Variants in YIPF1 observed in about 807,000 individuals in gnomAD.
The protein encoded by YIPF1 is Yip1 domain family member 1.
A neutral mutation model predicts 37.0 loss-of-function variants in YIPF1; 22 were observed. The ratio of observed to expected loss-of-function variants is 0.59; its 90% CI spans 0.42 to 0.85. The LOEUF (loss-of-function observed/expected upper bound fraction) is 0.85, where lower values mean the gene tolerates loss of function less well. YIPF1 is among the 40% of genes least tolerant of loss of function. The pLI is 0.00. For synonymous variants in YIPF1, 128 were observed against 131.9 expected, an observed-to-expected ratio of 0.97 and a Z score of 0.21; for missense variants, 355 against 373.1, an observed-to-expected ratio of 0.95 and a Z score of 0.40.
At chr1:53,887,597 G>A (rs1650690365) in intron 3 of YIPF1, among the ~76,000 whole-genome samples, 1 of 151,874 alleles carries the variant, frequency 6.6e-6, no homozygotes, top group Non-Finnish European at 1.5e-5. Context: ...GTGGTCAGAT[G>A]CTAGATGAAT....
chr1:53,876,057 TTGAA>T (rs758786001), intron 6 of YIPF1, among the ~76,000 whole-genome samples: 81 of 152,356 alleles, frequency 5.3e-4, no homozygotes, highest in Non-Finnish European at 9.6e-4. Flanking sequence ...GTTGAATGAA[TTGAA>T]TGAATAAATG....
chr1:53,861,682 G>C (rs1649882736), intron 9 of YIPF1, among the ~76,000 whole-genome samples: 1 of 118,640 alleles, frequency 8.4e-6, no homozygotes, highest in African/African-American at 3.0e-5. Flanking sequence ...GGAAGGAAGG[G>C]AGAGAGAGAG....
chr1:53,867,134 C>G (rs1450108444), intron 7 of YIPF1, among the ~76,000 whole-genome samples: 1 of 152,156 alleles, frequency 6.6e-6, no homozygotes, highest in African/African-American at 2.4e-5. Flanking sequence ...ATTAATGAAT[C>G]TTTACCATTC....
At chr1:53,873,408 C>T (rs979198167) in intron 6 of YIPF1, among the ~76,000 whole-genome samples, 4 of 152,066 alleles carry the variant, frequency 2.6e-5, no homozygotes, top group African/African-American at 9.7e-5. Context: ...GGTACCAGTT[C>T]GAGGCCAAGC....
Position 53,866,232 on chromosome 1 carries a change from A to ACACAATTGT in YIPF1, c.790_798dup (p.Thr264_Val266dup), listed in dbSNP as rs757156076. 1 of 1,614,186 alleles carries ACACAATTGT rather than the reference A, an allele frequency of 6.2e-7. No homozygotes were observed. The highest frequency in any genetic ancestry group is 8.5e-7 in the Non-Finnish European group (1 of 1,180,018). ...CCCACAGAAAGCAGCATATGGAGCA[A>ACACAATTGT]CACAATTGTCACAATTGTGGCCAAT... On this transcript the variant is annotated inframe_insertion, in exon 9 of 11. Transcript: ENST00000072644.
chr1:53,887,260 A>G (rs1353107220), intron 3 of YIPF1, among the ~76,000 whole-genome samples: 1 of 151,830 alleles, frequency 6.6e-6, no homozygotes. Flanking sequence ...TTGTATTTTT[A>G]GTGGAGACAG....
intron 6 of YIPF1, among the ~76,000 whole-genome samples, chr1:53,874,578 C>T (rs1284480901): frequency 6.6e-6 from 1 of 151,756 alleles, no homozygotes; most frequent in Non-Finnish European, 1.5e-5. Context: ...ACCAGCCTGG[C>T]CAACATGGTA....
In YIPF1 at chr1:53,866,221, C is replaced by A. The variant is rs764614299; in HGVS notation, c.810G>T (p.Met270Ile). 2 of 1,613,994 alleles carry A rather than the reference C, an allele frequency of 1.2e-6. No homozygotes were observed. Among genetic ancestry groups the A allele is most frequent in the South Asian group, 2.2e-5 (2 of 91,056 alleles). Residue 270 changes from methionine (M) to isoleucine (I), a missense_variant, in exon 9 of 11, where the codon ATG (methionine) becomes ATT (isoleucine). Physicochemically the swap from Met to Ile is conservative, Grantham distance 10 (BLOSUM62 1). Transcript: ENST00000072644. ...ATIVTIVLLH[M>I]LLSVGCLAYF... ...ATACCAAGCAGCCCACAGAAAGCAG[C>A]ATATGGAGCAACACAATTGTCACAA...
At chr1:53,870,483 C>T (rs1444106158) in intron 7 of YIPF1, among the ~76,000 whole-genome samples, 2 of 152,054 alleles carry the variant, frequency 1.3e-5, no homozygotes, top group African/African-American at 2.4e-5. Context: ...GCCCAGATTT[C>T]TCTTCAGCAA....
At chr1:53,870,376 A>G (rs1269747755) in intron 7 of YIPF1, among the ~76,000 whole-genome samples, 1 of 146,072 alleles carries the variant, frequency 6.8e-6, no homozygotes, top group African/African-American at 2.6e-5. Flanking sequence ...AGGTCTCACT[A>G]TGTTGCCCAG....
At position 53,866,301 on chromosome 1, in the gene YIPF1, T is replaced by C. The variant is rs528996605; in HGVS notation, c.730A>G (p.Met244Val). The C allele has an allele frequency of 5.0e-6, 8 of 1,614,142 alleles. No individual in the cohort carries two copies. The South Asian group carries it at 6.6e-5, about 13-fold the overall frequency. Residue 244 changes from methionine to valine, a missense_variant, in exon 9 of 11, where the codon ATG becomes GTG. Physicochemically the swap from Met to Val is conservative, Grantham distance 21 (BLOSUM62 1). Coordinates refer to ENST00000072644, the MANE Select transcript of YIPF1 (RefSeq NM_018982.5). ...TCACGAACAGCTGGCCAAAATGTCA[T>C]TGCCAAGAGAGATCCTGAGATGCCC... ...ALGISGSLLA[M>V]TFWPAVREDN... is the part of the protein sequence containing the mutation.
intron 6 of YIPF1, among the ~76,000 whole-genome samples, chr1:53,875,871 C>T (rs1477991535): frequency 2.0e-5 from 3 of 152,236 alleles, no homozygotes; most frequent in African/African-American, 7.2e-5. Context: ...ACAAACACTT[C>T]ATGTCCTTCT....
chr1:53,855,454 A>G (rs1649695445), intron 10 of YIPF1, among the ~76,000 whole-genome samples: 1 of 152,172 alleles, frequency 6.6e-6, no homozygotes, highest in Non-Finnish European at 1.5e-5. Context: ...GATATTCTTT[A>G]TATTATTTCA....
At chr1:53,869,070 A>C (rs569008036) in intron 7 of YIPF1, among the ~76,000 whole-genome samples, 1 of 152,164 alleles carries the variant, frequency 6.6e-6, no homozygotes, top group Admixed American at 6.5e-5. Flanking sequence ...ATGATGGACA[A>C]GAAGGGAAAG....
At chr1:53,870,160 C>CTTTT (rs753978320) in intron 7 of YIPF1, among the ~76,000 whole-genome samples, 1,391 of 90,972 alleles carry the variant, frequency 0.015, 123 homozygotes, top group Middle Eastern at 0.06. Context: ...CACCGGGTCT[C>CTTTT]TTTTTTTTTT....
chr1:53,868,605 T>A (rs757481692), intron 7 of YIPF1, among the ~76,000 whole-genome samples: 1 of 152,166 alleles, frequency 6.6e-6, no homozygotes, highest in South Asian at 2.1e-4. Flanking sequence ...ATTTTAGAGA[T>A]GAGGAAAAGG....
At chr1:53,863,621 G>C (rs993717630) in intron 9 of YIPF1, among the ~76,000 whole-genome samples, 1 of 152,172 alleles carries the variant, frequency 6.6e-6, no homozygotes, top group East Asian at 1.9e-4. Flanking sequence ...CGCTCTTTTA[G>C]AAAGTTCCTG....
intron 10 of YIPF1, among the ~76,000 whole-genome samples, chr1:53,857,607 A>C (rs1365695031): frequency 6.6e-6 from 1 of 152,154 alleles, no homozygotes; most frequent in Admixed American, 6.6e-5. Flanking sequence ...GCCCAGATTT[A>C]CTCAGCCCAG....
chr1:53,852,439 A>T (rs1005575267), intron 10 of YIPF1, among the ~76,000 whole-genome samples, 169 bp from the exon 11 acceptor site: 2 of 152,182 alleles, frequency 1.3e-5, no homozygotes, highest in Admixed American at 6.5e-5. Flanking sequence ...TCTAATTTTG[A>T]TGCTAAAAGT....
Sources: gnomAD v4.1 joint callset for allele counts (sites outside exome capture counted in the v4.1 genomes callset) on GRCh38, gnomAD v4.1.1 for gene constraint, MANE v1.5 for transcripts, NCBI Gene and HGNC (gene_info 2026-07-23, HGNC 2026-07-21) for gene names.